Variants in NEK10 observed in about 807,000 individuals in gnomAD.
NEK10 encodes the protein NIMA related kinase 10, also known as serine/threonine-protein kinase Nek10.
NEK10 carries 122 observed loss-of-function variants against 159.8 expected under a neutral mutation model. The observed-to-expected ratio is 0.76, with a 90% CI of 0.66 to 0.89. NEK10 has a LOEUF of 0.89. Among genes scored for constraint, NEK10 ranks in the 40% least tolerant of loss-of-function variants. NEK10 has a pLI of 0.00. For synonymous variants in NEK10, 466 were observed against 457.1 expected (o/e 1.02, Z -0.25); for missense variants, 1,342 against 1,323.1 (o/e 1.01, Z -0.22).
rs766655677 is a variant in NEK10, at chr3:27,284,931, A to G, written c.1820T>C (p.Ile607Thr). The G allele has an allele frequency of 5.3e-5, 85 of 1,607,502 alleles. No homozygotes were observed. Among genetic ancestry groups the G allele is most frequent in the Non-Finnish European group, 6.8e-5 (80 of 1,174,870 alleles). ...NDRLYIVMEL[I>T]EGAPLGEHFS... The stretch of plus-strand genomic sequence containing the variant: ...ATGCTCTCCAAGCGGGGCTCCTTCT[A>G]TCAGCTCCATAACTATGTACAACCT... Residue 607 changes from isoleucine to threonine, a missense_variant, in exon 21 of 36, where the codon ATA becomes ACA. Ile to Thr is a moderately conservative substitution (Grantham distance 89). Coordinates refer to ENST00000691995, the MANE Select transcript of NEK10 (RefSeq NM_001394966.1).
rs147395084 is a variant in NEK10, at chr3:27,266,283, C to A, written c.2015-9912G>T. ...AGCCCAATACTGCAAAGACTATATC[C>A]ATTTTTTTCTTCCAGAAGTTTCATA... On this transcript the variant is annotated intron_variant, in intron 22 of 35. Transcript: ENST00000691995. Among the ~76,000 whole-genome samples the A allele has an allele frequency of 1.0e-3, 154 of 152,244 alleles. 2 individuals are homozygous for A. Among genetic ancestry groups the A allele is most frequent in the East Asian group, 3.9e-3 (20 of 5,188 alleles).
intron 30 of NEK10, among the ~76,000 whole-genome samples, chr3:27,148,406 T>C (rs192784584): frequency 1.2e-3 from 188 of 152,222 alleles, no homozygotes; most frequent in African/African-American, 4.2e-3. Context: ...GTGCTTACAT[T>C]TCTACACAGG....
intron 35 of NEK10, among the ~76,000 whole-genome samples, chr3:27,112,518 G>C (rs983826401): frequency 1.3e-5 from 2 of 152,200 alleles, no homozygotes; most frequent in African/African-American, 4.8e-5. Context: ...GAACAACAGA[G>C]ATCTGGGTAG....
chr3:27,238,874 G>T lies in NEK10; in HGVS notation c.2090+17422C>A, dbSNP rs147188192. ...GCAGGCTGAAGCAAGCAGCTCAAGG[G>T]CACTGGTTACAGAATTTTCTGGGGT... is the stretch of plus-strand genomic sequence containing the variant. On this transcript the variant is annotated intron_variant, in intron 23 of 35. Coordinates refer to ENST00000691995, the MANE Select transcript of NEK10 (RefSeq NM_001394966.1). Among the ~76,000 whole-genome samples, 157 of 151,812 alleles carry T rather than the reference G, an allele frequency of 1.0e-3. 1 individual carries two copies. Among genetic ancestry groups the T allele is most frequent in the Admixed American group, 3.6e-3 (54 of 15,192 alleles).
intron 23 of NEK10, among the ~76,000 whole-genome samples, chr3:27,242,131 A>G (rs571706154): frequency 1.3e-5 from 2 of 152,370 alleles, no homozygotes; most frequent in South Asian, 2.1e-4. Flanking sequence ...AGGAGGCAGG[A>G]TCTCTAAAGC....
intron 5 of NEK10, among the ~76,000 whole-genome samples, chr3:27,338,206 T>A (rs2046949316): frequency 6.6e-6 from 1 of 152,194 alleles, no homozygotes; most frequent in South Asian, 2.1e-4. Flanking sequence ...TCTGTCCTTG[T>A]AATATTTTAC....
chr3:27,327,829 G>C (rs547282515), intron 5 of NEK10, among the ~76,000 whole-genome samples: 17 of 151,862 alleles, frequency 1.1e-4, no homozygotes, highest in South Asian at 2.1e-4. Context: ...ATTAAAAACA[G>C]AGGAATTCAA....
In NEK10 at chr3:27,116,103, T is replaced by C; in HGVS notation, c.3215A>G (p.Glu1072Gly). 6.2e-7 allele frequency: 1 copy of C among 1,613,626 alleles called. No homozygotes were observed. Among genetic ancestry groups the C allele is most frequent in the African/African-American group, 1.3e-5 (1 of 75,032 alleles). ...CATCTGTTCATATGTTATTCCTTCC[T>C]CCAATTCAATGCTGGTTGGTAAACC... The part of the protein sequence containing the change: ...PTGLPTSIEL[E>G]EGITYEQMQT... The change falls in exon 34 of 36, where the codon GAG becomes GGG. Residue 1072 changes from glutamate (E) to glycine (G), a missense_variant. Glu to Gly is a moderately conservative substitution (Grantham distance 98). Coordinates refer to ENST00000691995, the MANE Select transcript of NEK10 (RefSeq NM_001394966.1).
intron 1 of NEK10, among the ~76,000 whole-genome samples, chr3:27,365,620 T>TTG (rs2049021241): frequency 1.6e-5 from 2 of 125,456 alleles, no homozygotes; most frequent in African/African-American, 7.3e-5. Flanking sequence ...GTTTTTTTTT[T>TTG]TTTTTTTTTT....
At chr3:27,187,417 T>C (rs1345481102) in intron 26 of NEK10, among the ~76,000 whole-genome samples, 1 of 152,144 alleles carries the variant, frequency 6.6e-6, no homozygotes, top group Non-Finnish European at 1.5e-5. Context: ...CAAAATGATA[T>C]ATAATTATAG....
intron 30 of NEK10, among the ~76,000 whole-genome samples, chr3:27,146,604 T>C (rs1347960025): frequency 1.3e-5 from 2 of 152,206 alleles, no homozygotes; most frequent in Non-Finnish European, 2.9e-5. Context: ...AGTAACGTAA[T>C]TGTAGTTCAA....
At chr3:27,146,056 C>T (rs1313378286) in intron 30 of NEK10, among the ~76,000 whole-genome samples, 2 of 152,140 alleles carry the variant, frequency 1.3e-5, no homozygotes, top group African/African-American at 4.8e-5. Flanking sequence ...ACTTTTAACA[C>T]GATGTTCTAT....
At position 27,174,852 on chromosome 3, in the gene NEK10, T is replaced by C; in HGVS notation, c.2506-19A>G. On this transcript the variant is annotated intron_variant, in intron 26 of 35. Transcript: ENST00000691995. ...AGGTCTCCTGGAAAGAGAAATTCAG[T>C]TTTTCATAGCCTCTTTCTCTATCCT... 1 of 1,550,702 alleles carries C rather than the reference T, an allele frequency of 6.4e-7. No individual in the cohort carries two copies. Among genetic ancestry groups the C allele is most frequent in the Non-Finnish European group, 8.7e-7 (1 of 1,152,992 alleles).
At chr3:27,162,413 C>G in intron 30 of NEK10, 3 of 1,597,752 alleles carry the variant, frequency 1.9e-6, no homozygotes, top group Non-Finnish European at 2.6e-6. Context: ...TATAATTCTG[C>G]ATTTGCCCAT....
intron 30 of NEK10, among the ~76,000 whole-genome samples, chr3:27,158,783 C>T (rs1945742899): frequency 6.6e-6 from 1 of 152,132 alleles, no homozygotes; most frequent in Non-Finnish European, 1.5e-5. Context: ...TTGACTTACA[C>T]ACCCAAAAAT....
At chr3:27,300,833 A>G (rs2043758698) in intron 13 of NEK10, among the ~76,000 whole-genome samples, 1 of 152,220 alleles carries the variant, frequency 6.6e-6, no homozygotes, top group Non-Finnish European at 1.5e-5. Context: ...GGGGCCTTTC[A>G]GAGTAAGCAG....
At chr3:27,226,176 C>T (rs1952619359) in intron 23 of NEK10, among the ~76,000 whole-genome samples, 3 of 150,794 alleles carry the variant, frequency 2.0e-5, no homozygotes, top group South Asian at 2.1e-4. Flanking sequence ...GGACTACAGG[C>T]GCCCGCCACT....
intron 25 of NEK10, 74 bp downstream of exon 25, chr3:27,201,436 T>C (rs1950030603): frequency 7.8e-7 from 1 of 1,276,782 alleles, no homozygotes; most frequent in Admixed American, 1.9e-5. Context: ...CTTTTATCCA[T>C]AAATAGTGAT....
intron 22 of NEK10, among the ~76,000 whole-genome samples, chr3:27,263,509 G>A (rs1034244383): frequency 2.6e-5 from 4 of 152,098 alleles, no homozygotes; most frequent in Admixed American, 6.5e-5. Context: ...CTCAAGCCTC[G>A]GCAATGGCAG....
Sources: gnomAD v4.1 joint callset for allele counts (sites outside exome capture counted in the v4.1 genomes callset) on GRCh38, gnomAD v4.1.1 for gene constraint, MANE v1.5 for transcripts, NCBI Gene and HGNC (gene_info 2026-07-23, HGNC 2026-07-21) for gene names.